Variants in XYLB observed in about 807,000 individuals in gnomAD.
The protein encoded by XYLB is xylulokinase, also known as xylulose kinase.
XYLB carries 62 observed loss-of-function variants against 78.7 expected under a neutral mutation model. The ratio of observed to expected loss-of-function variants is 0.79; its 90% CI spans 0.64 to 0.97. XYLB has a LOEUF of 0.97. XYLB is among the 50% of genes least tolerant of loss of function. The probability of loss-of-function intolerance (pLI) is 0.00; values close to 1 mark genes in which losing one functional copy is unlikely to be tolerated. For synonymous variants in XYLB, 245 were observed against 247.4 expected (o/e 0.99, Z 0.09); for missense variants, 687 against 676.8 (o/e 1.02, Z -0.17).
the XYLB span, among the ~76,000 whole-genome samples, chr3:38,432,543 G>C: frequency 6.6e-6 from 1 of 151,978 alleles, no homozygotes; most frequent in African/African-American, 2.4e-5. Context: ...CTCCTGCCTG[G>C]TGACAGAGCT....
At chr3:38,363,220 AG>A (rs951469140) in intron 4 of XYLB, among the ~76,000 whole-genome samples, 2 of 152,222 alleles carry the variant, frequency 1.3e-5, no homozygotes, top group Non-Finnish European at 2.9e-5. Flanking sequence ...GATCTGAGAC[AG>A]TTCTTAGGAG....
intron 2 of XYLB, 142 bp from the exon 3 acceptor site, chr3:38,360,197 A>G (rs1472584480): frequency 2.8e-5 from 22 of 787,444 alleles, no homozygotes; most frequent in Non-Finnish European, 3.7e-5. Flanking sequence ...GTGCCTGTTC[A>G]ATCAACAGTT....
chr3:38,394,358 C>T (rs1455999834), intron 15 of XYLB, among the ~76,000 whole-genome samples: 1 of 151,992 alleles, frequency 6.6e-6, no homozygotes, highest in Non-Finnish European at 1.5e-5. Flanking sequence ...TTAGAAATGC[C>T]ATTGATTATT....
intron 18 of XYLB, among the ~76,000 whole-genome samples, chr3:38,401,269 C>T: frequency 6.6e-6 from 1 of 152,142 alleles, no homozygotes; most frequent in Non-Finnish European, 1.5e-5. Context: ...GCTATAAAAG[C>T]TACTGAAAGG....
intron 2 of XYLB, among the ~76,000 whole-genome samples, chr3:38,352,491 C>T (rs146349323): frequency 1.3e-5 from 2 of 152,294 alleles, no homozygotes; most frequent in Non-Finnish European, 2.9e-5. Flanking sequence ...AATATTCATA[C>T]CTTCCTATAT....
At chr3:38,360,547 C>A in intron 3 of XYLB, 139 bp downstream of exon 3, 1 of 718,992 alleles carries the variant, frequency 1.4e-6, no homozygotes, top group Admixed American at 3.0e-5. Flanking sequence ...GTGGAGTTGG[C>A]ATGACTCCTG....
At chr3:38,423,062 T>C (rs1258010380), downstream of XYLB, among the ~76,000 whole-genome samples, 4 of 152,054 alleles carry the variant, frequency 2.6e-5, no homozygotes, top group Non-Finnish European at 5.9e-5. Flanking sequence ...AATTCTCCAC[T>C]CTTTGTTATT....
intron 17 of XYLB, among the ~76,000 whole-genome samples, chr3:38,398,591 A>G (rs1707987107): frequency 6.6e-6 from 1 of 152,062 alleles, no homozygotes. Context: ...AGATTCTTAT[A>G]TTAAGTACAT....
chr3:38,360,443 C>T, intron 3 of XYLB, 35 bp downstream of exon 3: 1 of 1,526,652 alleles, frequency 6.6e-7, no homozygotes, highest in Non-Finnish European at 8.8e-7. Flanking sequence ...CTTCTATCCC[C>T]AGGCTGTCTC....
chr3:38,424,958 T>G (rs1416885841), downstream of XYLB, among the ~76,000 whole-genome samples: 3 of 152,240 alleles, frequency 2.0e-5, no homozygotes, highest in Non-Finnish European at 2.9e-5. Context: ...TAACCCATGT[T>G]AATGCCTCTG....
intron 18 of XYLB, among the ~76,000 whole-genome samples, chr3:38,407,749 A>G (rs1708389760): frequency 1.3e-5 from 2 of 151,986 alleles, no homozygotes; most frequent in African/African-American, 4.8e-5. Flanking sequence ...CTCTGATAAA[A>G]CAGACTTTAA....
chr3:38,424,981 G>A (rs1709071872), downstream of XYLB, among the ~76,000 whole-genome samples: 1 of 152,156 alleles, frequency 6.6e-6, no homozygotes, highest in African/African-American at 2.4e-5. Flanking sequence ...CTCAAACGCA[G>A]ATACAGCATT....
At chr3:38,366,750 G>C in intron 6 of XYLB, 58 bp from the exon 7 acceptor site, 1 of 1,181,430 alleles carries the variant, frequency 8.5e-7, no homozygotes, top group Non-Finnish European at 1.3e-6. Flanking sequence ...ACTTTGTGGA[G>C]GTAATTGTTC....
chr3:38,356,840 C>T (rs1320535260), intron 2 of XYLB: 1 of 152,012 alleles, frequency 6.6e-6, no homozygotes, highest in Admixed American at 6.6e-5. Flanking sequence ...GAATTGTGGC[C>T]CCCCAGAATT....
intron 2 of XYLB, among the ~76,000 whole-genome samples, chr3:38,358,794 TA>T (rs1040458658): frequency 6.6e-6 from 1 of 152,234 alleles, no homozygotes. Context: ...AGTATCTTTT[TA>T]AAAAATCCAT....
At chr3:38,434,439 A>T in the XYLB span, among the ~76,000 whole-genome samples, 1 of 152,254 alleles carries the variant, frequency 6.6e-6, no homozygotes, top group African/African-American at 2.4e-5. Flanking sequence ...TGGAAGAAAA[A>T]TGTCAACAGC....
chr3:38,370,396 A>G (rs1387577900), intron 9 of XYLB: 2 of 425,778 alleles, frequency 4.7e-6, no homozygotes, highest in Admixed American at 4.0e-5. Context: ...TACATGCCTT[A>G]TGGTCAGCGG....
intron 15 of XYLB, among the ~76,000 whole-genome samples, chr3:38,386,533 G>C (rs759349718): frequency 1.3e-5 from 2 of 151,366 alleles, no homozygotes; most frequent in African/African-American, 2.4e-5. Context: ...TGTTCTATAT[G>C]TTCTTTTTTC....
chr3:38,411,140 AC>A (rs1302760172), intron 18 of XYLB, among the ~76,000 whole-genome samples: 1 of 152,244 alleles, frequency 6.6e-6, no homozygotes, highest in African/African-American at 2.4e-5. Flanking sequence ...CCAAATGTCT[AC>A]AATGATAGAC....
Sources: gnomAD v4.1 joint callset for allele counts (sites outside exome capture counted in the v4.1 genomes callset) on GRCh38, gnomAD v4.1.1 for gene constraint, MANE v1.5 for transcripts, NCBI Gene and HGNC (gene_info 2026-07-23, HGNC 2026-07-21) for gene names.